Variants in NUBPL observed in about 807,000 individuals in gnomAD.
NUBPL encodes the protein iron-sulfur cluster transfer protein NUBPL.
In NUBPL, 31 loss-of-function variants were observed where a neutral mutation model predicts 45.7. The ratio of observed to expected loss-of-function variants is 0.68; its 90% CI spans 0.51 to 0.92. NUBPL has a LOEUF of 0.92. NUBPL is among the 40% of genes least tolerant of loss of function. NUBPL has a pLI of 0.00. For missense variants in NUBPL, 401 were observed against 398.7 expected (o/e 1.01, Z -0.05); for synonymous variants, 144 against 140.9 (o/e 1.02, Z -0.15).
intron 6 of NUBPL, among the ~76,000 whole-genome samples, chr14:31,756,228 T>G (rs769181389): frequency 7.9e-5 from 12 of 152,334 alleles, no homozygotes; most frequent in East Asian, 7.7e-4. Context: ...TTTTTCGAAT[T>G]CTGTGAGGAA....
At chr14:31,654,148 A>T (rs956522743) in intron 4 of NUBPL, 1 of 452,574 alleles carries the variant, frequency 2.2e-6, no homozygotes, top group Non-Finnish European at 4.4e-6. Flanking sequence ...AGCAACATGA[A>T]TTTTTTGGTT....
At chr14:31,732,641 T>A (rs2038078017) in intron 6 of NUBPL, among the ~76,000 whole-genome samples, 1 of 126,222 alleles carries the variant, frequency 7.9e-6, no homozygotes, top group African/African-American at 2.9e-5. Flanking sequence ...AGATGGAGTC[T>A]CACTCAGTAG....
chr14:31,619,442 T>G (rs758052465), intron 4 of NUBPL, among the ~76,000 whole-genome samples: 10 of 152,242 alleles, frequency 6.6e-5, no homozygotes, highest in Non-Finnish European at 1.3e-4. Context: ...CTTTCCACGT[T>G]TTGTGCTTCC....
chr14:31,712,333 C>T (rs1027842931), intron 6 of NUBPL, among the ~76,000 whole-genome samples: 3 of 152,242 alleles, frequency 2.0e-5, no homozygotes, highest in Non-Finnish European at 2.9e-5. Flanking sequence ...TGGTACTCGC[C>T]GCAGGACTTT....
intron 6 of NUBPL, among the ~76,000 whole-genome samples, chr14:31,763,986 C>T (rs914431564): frequency 5.9e-5 from 9 of 152,090 alleles, no homozygotes; most frequent in African/African-American, 1.9e-4. Flanking sequence ...AAAATATGCT[C>T]CAAATAGCAC....
At position 31,860,920 on chromosome 14, in the gene NUBPL, G is replaced by T. The variant is rs1165278788; in HGVS notation, c.*1740G>T. 6.6e-6 allele frequency: 1 copy of T among 152,092 alleles called. No individual in the cohort carries two copies. The highest frequency in any genetic ancestry group is 1.9e-4 in the East Asian group (1 of 5,198). The allele number at this position is 152,092 out of a possible 1,614,324, so 9.4% of individuals were successfully genotyped here. A position where few individuals can be genotyped will look rare whatever the true frequency, so the allele number is the denominator to read the frequency against. On this transcript the variant is annotated 3_prime_UTR_variant, in exon 11 of 11. Transcript: ENST00000281081. ...TACCAAAAGATTCCATTTATATAAC[G>T]TTCTTGAAGTGACATAATTATAGAA...
chr14:31,692,892 GC>G (rs1210358066), intron 6 of NUBPL, among the ~76,000 whole-genome samples: 1 of 152,146 alleles, frequency 6.6e-6, no homozygotes, highest in Non-Finnish European at 1.5e-5. Context: ...TATACAAGAA[GC>G]TGTAATAGGT....
At chr14:31,734,548 T>A (rs889922398) in intron 6 of NUBPL, among the ~76,000 whole-genome samples, 6 of 152,348 alleles carry the variant, frequency 3.9e-5, no homozygotes, top group Non-Finnish European at 7.3e-5. Context: ...CATAACAGTT[T>A]ATTGTTAAAT....
At chr14:31,750,198 G>A (rs1029755222) in intron 6 of NUBPL, among the ~76,000 whole-genome samples, 13 of 145,694 alleles carry the variant, frequency 8.9e-5, no homozygotes, top group Admixed American at 4.8e-4. Context: ...TTTTTGAGAC[G>A]GAGTCTTGCT....
At chr14:31,668,089 G>C (rs1850951698) in intron 4 of NUBPL, 1 of 152,324 alleles carries the variant, frequency 6.6e-6, no homozygotes, top group Non-Finnish European at 1.5e-5. Context: ...GCAGTGCTAG[G>C]ATAGGAGATC....
chr14:31,673,607 T>C, intron 6 of NUBPL, 33 bp downstream of exon 6: 2 of 1,556,824 alleles, frequency 1.3e-6, no homozygotes, highest in Non-Finnish European at 8.9e-7. Context: ...CATTTTATCA[T>C]TGGCAAAGCT....
At chr14:31,818,028 G>A (rs1174374295) in intron 7 of NUBPL, among the ~76,000 whole-genome samples, 3 of 152,172 alleles carry the variant, frequency 2.0e-5, no homozygotes, top group Non-Finnish European at 2.9e-5. Flanking sequence ...CCTAGTCTCT[G>A]ATAAAGCAGA....
chr14:31,848,265 G>C (rs1007511096), intron 9 of NUBPL, among the ~76,000 whole-genome samples: 3 of 152,180 alleles, frequency 2.0e-5, no homozygotes, highest in Non-Finnish European at 2.9e-5. Flanking sequence ...ATGTAGTCAT[G>C]GGTCCCATGG....
At chr14:31,742,019 A>T (rs1430291359) in intron 6 of NUBPL, among the ~76,000 whole-genome samples, 1 of 152,096 alleles carries the variant, frequency 6.6e-6, no homozygotes, top group Non-Finnish European at 1.5e-5. Context: ...ATAAAAATAT[A>T]AAATCCTCTC....
chr14:31,799,258 G>C (rs1283083654), intron 7 of NUBPL, among the ~76,000 whole-genome samples: 3 of 152,030 alleles, frequency 2.0e-5, no homozygotes, highest in African/African-American at 4.8e-5. Flanking sequence ...CTTTTTTATA[G>C]TGTACATGTA....
At chr14:31,705,619 GT>G (rs1426096998) in intron 6 of NUBPL, among the ~76,000 whole-genome samples, 6 of 151,566 alleles carry the variant, frequency 4.0e-5, no homozygotes, top group African/African-American at 1.5e-4. Flanking sequence ...GTGCTGATTG[GT>G]GCGTTTACAA....
intron 4 of NUBPL, among the ~76,000 whole-genome samples, chr14:31,622,058 A>T (rs1385386489): frequency 1.3e-5 from 2 of 152,180 alleles, no homozygotes; most frequent in South Asian, 4.1e-4. Flanking sequence ...TTAGATGGAG[A>T]TGAGGAACTT....
intron 7 of NUBPL, among the ~76,000 whole-genome samples, chr14:31,825,213 G>A (rs907546433): frequency 2.0e-5 from 3 of 151,212 alleles, no homozygotes; most frequent in Non-Finnish European, 1.5e-5. Flanking sequence ...AAACTTCTAG[G>A]ACTCAGCCTA....
chr14:31,599,943 A>G (rs2034385527), intron 4 of NUBPL, among the ~76,000 whole-genome samples: 1 of 132,080 alleles, frequency 7.6e-6, no homozygotes, highest in Non-Finnish European at 1.6e-5. Flanking sequence ...TTTTTTTGAG[A>G]CAGAGTCCCA....
Sources: allele counts gnomAD v4.1 joint callset (sites outside exome capture counted in the v4.1 genomes callset), GRCh38; gene constraint gnomAD v4.1.1; transcripts MANE v1.5; gene names NCBI Gene and HGNC (gene_info 2026-07-23, HGNC 2026-07-21).